Variants in PEX7 observed in about 807,000 individuals in gnomAD.
PEX7 encodes PTS2 receptor.
In PEX7, 34 loss-of-function variants were observed where a neutral mutation model predicts 47.5. The observed-to-expected ratio is 0.72, with a 90% confidence interval of 0.54 to 0.95. PEX7 has a LOEUF of 0.95. Ranked by LOEUF, PEX7 falls within the 40% of genes least tolerant of loss-of-function variation. The pLI is 0.00. For synonymous variants in PEX7, 141 were observed against 148.8 expected, an observed-to-expected ratio of 0.95 and a Z score of 0.38; for missense variants, 394 against 400.3, an observed-to-expected ratio of 0.98 and a Z score of 0.13.
intron 7 of PEX7, 35 bp downstream of exon 7, chr6:136,870,038 A>G: frequency 8.1e-7 from 1 of 1,230,002 alleles, no homozygotes; most frequent in Non-Finnish European, 1.2e-6. Flanking sequence ...ATGTAGAATA[A>G]AATTATATAA....
chr6:136,849,058 C>T (rs190545027), intron 5 of PEX7, among the ~76,000 whole-genome samples: 1 of 152,284 alleles, frequency 6.6e-6, no homozygotes, highest in East Asian at 1.9e-4. Flanking sequence ...AGGGGTTCAG[C>T]TTCTTCCTGG....
chr6:136,859,042 CAT>C (rs772552379), intron 5 of PEX7, among the ~76,000 whole-genome samples: 10 of 152,150 alleles, frequency 6.6e-5, no homozygotes, highest in Non-Finnish European at 1.3e-4. Flanking sequence ...CTGTTGCACA[CAT>C]GTAGTTAAGT....
chr6:136,833,357 C>T (rs1178784465), intron 3 of PEX7, among the ~76,000 whole-genome samples: 1 of 152,186 alleles, frequency 6.6e-6, no homozygotes, highest in Non-Finnish European at 1.5e-5. Context: ...CCTCCTTCGA[C>T]ACGTGGGGAT....
intron 5 of PEX7, among the ~76,000 whole-genome samples, chr6:136,863,910 C>T (rs1775010759): frequency 6.6e-6 from 1 of 152,112 alleles, no homozygotes; most frequent in South Asian, 2.1e-4. Flanking sequence ...AAAATAATTC[C>T]TCCAGAATTA....
At chr6:136,836,145 G>T (rs1177716083) in intron 3 of PEX7, among the ~76,000 whole-genome samples, 1 of 152,150 alleles carries the variant, frequency 6.6e-6, no homozygotes, top group African/African-American at 2.4e-5. Flanking sequence ...GAACTTATAT[G>T]AAACTGGAAA....
chr6:136,891,220 T>G (rs1206459281), intron 8 of PEX7, among the ~76,000 whole-genome samples: 1 of 152,218 alleles, frequency 6.6e-6, no homozygotes, highest in Non-Finnish European at 1.5e-5. Context: ...CTAGGCTTTG[T>G]GGTATGTGGT....
At chr6:136,837,427 GA>G (rs1353644837) in intron 3 of PEX7, among the ~76,000 whole-genome samples, 1 of 150,482 alleles carries the variant, frequency 6.6e-6, no homozygotes, top group Non-Finnish European at 1.5e-5. Context: ...TAAAGAAGTA[GA>G]AGCGATCTTA....
intron 9 of PEX7, among the ~76,000 whole-genome samples, chr6:136,898,666 A>G (rs925013737): frequency 6.6e-6 from 1 of 152,214 alleles, no homozygotes; most frequent in African/African-American, 2.4e-5. Context: ...TTGTCTTCAC[A>G]CCACGTGTCG....
intron 8 of PEX7, among the ~76,000 whole-genome samples, chr6:136,877,763 G>A (rs978056217): frequency 6.6e-6 from 1 of 151,170 alleles, no homozygotes; most frequent in Non-Finnish European, 1.5e-5. Context: ...CTCCAGCTTT[G>A]TAGGATTGTC....
chr6:136,894,288 C>T (rs1400072444), intron 8 of PEX7, among the ~76,000 whole-genome samples: 1 of 151,974 alleles, frequency 6.6e-6, no homozygotes, highest in Non-Finnish European at 1.5e-5. Flanking sequence ...GAAACCCCGT[C>T]TCTACTAAAA....
rs149731923 is a variant in PEX7, at chr6:136,822,842, G to GGAGGCGGGGGCC, written c.130+48_130+49insAGGCGGGGGCCG. 262 of 1,231,730 alleles carry GGAGGCGGGGGCC rather than the reference G, an allele frequency of 2.1e-4. 1 individual carries two copies. The Middle Eastern group carries it at 3.2e-3, about 15-fold the overall frequency. 76.3% of individuals were successfully genotyped at this position (1,231,730 alleles called of 1,614,324 possible). A position where few individuals can be genotyped will look rare whatever the true frequency, so the allele number is the denominator to read the frequency against. ...GGGGCCGGGGGGCGGAGGCGGAGGC[G>GGAGGCGGGGGCC]GGGGCCAGCCGGGCTCCAGTTCCTC... On this transcript the variant is annotated intron_variant, in intron 1 of 9. Coordinates refer to ENST00000318471, the MANE Select transcript of PEX7 (RefSeq NM_000288.4).
At chr6:136,868,655 G>C (rs1775116721) in intron 6 of PEX7, among the ~76,000 whole-genome samples, 1 of 151,230 alleles carries the variant, frequency 6.6e-6, no homozygotes, top group Non-Finnish European at 1.5e-5. Context: ...TTAAACTAAA[G>C]CCCAACATAG....
chr6:136,855,464 C>T (rs192472967), intron 5 of PEX7, among the ~76,000 whole-genome samples: 2 of 151,946 alleles, frequency 1.3e-5, no homozygotes, highest in East Asian at 1.9e-4. Flanking sequence ...CTCAGCCTCC[C>T]GAGTAGCTGG....
At chr6:136,883,956 A>G (rs1372440691) in intron 8 of PEX7, among the ~76,000 whole-genome samples, 1 of 152,188 alleles carries the variant, frequency 6.6e-6, no homozygotes, top group East Asian at 1.9e-4. Flanking sequence ...TAATTTTAAC[A>G]TTCGTTGTAG....
intron 5 of PEX7, among the ~76,000 whole-genome samples, chr6:136,861,714 A>C (rs1360157965): frequency 6.6e-6 from 1 of 151,768 alleles, no homozygotes; most frequent in Non-Finnish European, 1.5e-5. Flanking sequence ...TTTGTTAAAA[A>C]GCATACTCCA....
intron 3 of PEX7, among the ~76,000 whole-genome samples, chr6:136,839,744 C>T (rs1210932617): frequency 6.6e-6 from 1 of 152,172 alleles, no homozygotes; most frequent in Non-Finnish European, 1.5e-5. Flanking sequence ...AGATTTGTTT[C>T]TCTTTTCCTT....
At chr6:136,883,782 T>C (rs1775420485) in intron 8 of PEX7, among the ~76,000 whole-genome samples, 1 of 152,210 alleles carries the variant, frequency 6.6e-6, no homozygotes, top group South Asian at 2.1e-4. Context: ...TTATCTGTGT[T>C]ATTTATCTCA....
intron 8 of PEX7, among the ~76,000 whole-genome samples, chr6:136,885,793 G>C (rs113852897): frequency 1.2e-3 from 180 of 152,234 alleles, no homozygotes; most frequent in African/African-American, 4.2e-3. Context: ...AGTAATTATG[G>C]GTTGGCACAT....
rs191969418 is a variant in PEX7, at chr6:136,869,951, G to A, written c.695G>A (p.Arg232Gln). The A allele has an allele frequency of 1.6e-4, 256 of 1,614,020 alleles. No homozygotes were observed. The East Asian group carries it at 4.5e-3, about 29-fold the overall frequency. The change falls in exon 7 of 10, where the codon CGA becomes CAA. Residue 232 changes from arginine to glutamine, a missense_variant. Physicochemically the swap from Arg to Gln is conservative, Grantham distance 43. Transcript: ENST00000318471. ...AGAGGCTGGGACTTAAGGAATGTAC[G>A]ACAACCAGTGTTTGAACTTCTTGGT... ...SLRGWDLRNV[R>Q]QPVFELLGHT...
Sources: allele counts gnomAD v4.1 joint callset (sites outside exome capture counted in the v4.1 genomes callset), GRCh38; gene constraint gnomAD v4.1.1; transcripts MANE v1.5; gene names NCBI Gene and HGNC (gene_info 2026-07-23, HGNC 2026-07-21).